The following DNAH9 variants were observed in gnomAD, a reference collection of about 807,000 sequenced individuals.
The protein encoded by DNAH9 is DNAH9 variant protein.
Under a neutral mutation model 471.6 loss-of-function variants are expected in DNAH9, and 345 were observed. The ratio of observed to expected loss-of-function variants is 0.73; its 90% confidence interval spans 0.67 to 0.80. DNAH9 has a LOEUF of 0.80. Ranked by LOEUF, DNAH9 falls within the 30% of genes least tolerant of loss-of-function variation. DNAH9 has a pLI of 0.00. For missense variants in DNAH9, 5,407 were observed against 5,609.2 expected (o/e 0.96, Z 1.15); for synonymous variants, 2,093 against 2,123.6 (o/e 0.99, Z 0.40).
At chr17:11,733,711 A>G (rs183728699) in intron 28 of DNAH9, among the ~76,000 whole-genome samples, 47 of 152,140 alleles carry the variant, frequency 3.1e-4, no homozygotes, top group African/African-American at 1.1e-3. Flanking sequence ...ACAAAAAATT[A>G]GCCAGGCATG....
chr17:11,894,856 C>T (rs1364537924), intron 59 of DNAH9, among the ~76,000 whole-genome samples: 2 of 152,192 alleles, frequency 1.3e-5, no homozygotes, highest in Admixed American at 6.5e-5. Flanking sequence ...ACAGCATTTC[C>T]ATAAAACAGC....
chr17:11,887,765 C>T (rs1421614493), intron 57 of DNAH9, among the ~76,000 whole-genome samples: 1 of 147,072 alleles, frequency 6.8e-6, no homozygotes, highest in Non-Finnish European at 1.5e-5. Flanking sequence ...CACACACACA[C>T]AGAGTGCACA....
chr17:11,843,863 GTATATATATATA>G (rs61067153), intron 49 of DNAH9, among the ~76,000 whole-genome samples: 38 of 46,470 alleles, frequency 8.2e-4, no homozygotes, highest in African/African-American at 2.6e-3. Flanking sequence ...GTGTGTGTGT[GTATATATATATA>G]TATATATATA....
chr17:11,788,634 GTAT>G (rs10616641), intron 41 of DNAH9, among the ~76,000 whole-genome samples: 2,799 of 152,100 alleles, frequency 0.018, 76 homozygotes, highest in African/African-American at 0.063. Context: ...TCTTTGTTCA[GTAT>G]TATATGTGTA....
chr17:11,915,055 T>C lies in DNAH9; in HGVS notation c.11750-8759T>C, dbSNP rs576355134. Among the ~76,000 whole-genome samples the C allele has an allele frequency of 2.0e-5, 3 of 152,274 alleles. No individual in the cohort carries two copies. The South Asian group carries it at 6.2e-4, about 32-fold the overall frequency. On this transcript the variant is annotated intron_variant, in intron 61 of 68. Coordinates refer to ENST00000262442, the MANE Select transcript of DNAH9 (RefSeq NM_001372.4). ...TATGCTTCAAATCCATCTAATTGTCTCTATTTTCATGATTGCCATCCTAGT... is the reference window on the plus strand; with the variant it reads ...TATGCTTCAAATCCATCTAATTGTCCCTATTTTCATGATTGCCATCCTAGT...
intron 25 of DNAH9, 128 bp from the exon 26 acceptor site, chr17:11,704,897 G>C: frequency 1.3e-6 from 1 of 766,738 alleles, no homozygotes. Flanking sequence ...CTATGCTGTG[G>C]TGGCCACAGC....
chr17:11,715,242 C>T (rs1486930941), intron 26 of DNAH9, among the ~76,000 whole-genome samples: 1 of 152,144 alleles, frequency 6.6e-6, no homozygotes, highest in Admixed American at 6.5e-5. Context: ...AAAATAATAC[C>T]TTCAAAGTCT....
chr17:11,761,932 C>G (rs1038814274), intron 35 of DNAH9, among the ~76,000 whole-genome samples: 1 of 152,012 alleles, frequency 6.6e-6, no homozygotes, highest in African/African-American at 2.4e-5. Flanking sequence ...CTCTGCGAGT[C>G]CCACCTAAGT....
At chr17:11,777,477 G>T (rs112719738) in intron 38 of DNAH9, among the ~76,000 whole-genome samples, 7 of 152,312 alleles carry the variant, frequency 4.6e-5, no homozygotes, top group African/African-American at 1.7e-4. Flanking sequence ...GAATGGTTTA[G>T]AAGCAGGATA....
At chr17:11,863,354 C>T (rs1597752124) in intron 50 of DNAH9, among the ~76,000 whole-genome samples, 1 of 152,268 alleles carries the variant, frequency 6.6e-6, no homozygotes, top group East Asian at 1.9e-4. Flanking sequence ...ACCAGCCTTG[C>T]ATCCCAGGGA....
chr17:11,805,090 C>T (rs1444108575), intron 43 of DNAH9, among the ~76,000 whole-genome samples: 1 of 151,756 alleles, frequency 6.6e-6, no homozygotes, highest in Non-Finnish European at 1.5e-5. Flanking sequence ...TCAGTGTCAA[C>T]AAGGGTTGGG....
chr17:11,818,109 A>T (rs1970165163), intron 45 of DNAH9, among the ~76,000 whole-genome samples: 1 of 152,178 alleles, frequency 6.6e-6, no homozygotes, highest in African/African-American at 2.4e-5. Flanking sequence ...CAGACCACTC[A>T]CTTTGAGGAC....
chr17:11,943,932 A>G (rs1240642317), intron 67 of DNAH9, among the ~76,000 whole-genome samples: 1 of 147,760 alleles, frequency 6.8e-6, no homozygotes. Flanking sequence ...ATTACTGAGT[A>G]CGCAGGTATA....
At chr17:11,780,902 T>G in intron 38 of DNAH9, 107 bp from the exon 39 acceptor site, 1 of 1,208,574 alleles carries the variant, frequency 8.3e-7, no homozygotes, top group East Asian at 2.6e-5. Flanking sequence ...TGCTGTTTTT[T>G]GCACACATGA....
chr17:11,698,156 T>A (rs1451848295), intron 22 of DNAH9, among the ~76,000 whole-genome samples: 2 of 25,572 alleles, frequency 7.8e-5, no homozygotes, highest in African/African-American at 2.3e-4. Context: ...ATTATATTAT[T>A]AATATATTAT....
At chr17:11,948,466 G>C (rs1975229396) in intron 67 of DNAH9, among the ~76,000 whole-genome samples, 1 of 152,008 alleles carries the variant, frequency 6.6e-6, no homozygotes, top group African/African-American at 2.4e-5. Flanking sequence ...CTGACCTCAA[G>C]TGATCCACCC....
intron 24 of DNAH9, among the ~76,000 whole-genome samples, chr17:11,703,216 A>G (rs2074635509): frequency 6.6e-6 from 1 of 152,310 alleles, no homozygotes; most frequent in South Asian, 2.1e-4. Flanking sequence ...AGAGGTGTTT[A>G]TTAATAGTAG....
intron 42 of DNAH9, among the ~76,000 whole-genome samples, chr17:11,797,367 T>G (rs1430748690): frequency 6.6e-6 from 1 of 152,142 alleles, no homozygotes; most frequent in East Asian, 1.9e-4. Context: ...CACCTCCCAC[T>G]TCCCATCCTC....
intron 27 of DNAH9, among the ~76,000 whole-genome samples, chr17:11,726,168 C>A (rs2075148366): frequency 6.6e-6 from 1 of 152,136 alleles, no homozygotes; most frequent in Non-Finnish European, 1.5e-5. Context: ...ATACTCCTAT[C>A]CTATAAAGCC....
Sources: gnomAD v4.1 joint callset for allele counts (sites outside exome capture counted in the v4.1 genomes callset) on GRCh38, gnomAD v4.1.1 for gene constraint, MANE v1.5 for transcripts, NCBI Gene and HGNC (gene_info 2026-07-23, HGNC 2026-07-21) for gene names.